The following ROBO1 variants were observed in gnomAD, a reference collection of about 807,000 sequenced individuals.
The protein encoded by ROBO1 is roundabout homolog 1.
In ROBO1, 149 loss-of-function variants were observed where a neutral mutation model predicts 195.9. The observed-to-expected ratio is 0.76, with a 90% CI of 0.67 to 0.87. ROBO1 has a LOEUF of 0.87. ROBO1 is among the 40% of genes least tolerant of loss of function. The pLI, the probability that ROBO1 is intolerant of heterozygous loss-of-function variation, is 0.00. For missense variants in ROBO1, 1,933 were observed against 2,068.3 expected (o/e 0.93, Z 1.27); for synonymous variants, 816 against 733.2 (o/e 1.11, Z -1.82).
chr3:79,126,945 C>T (rs1437063905), intron 2 of ROBO1, among the ~76,000 whole-genome samples: 1 of 151,778 alleles, frequency 6.6e-6, no homozygotes. Flanking sequence ...CCTAATCTCC[C>T]TGCTTTCCCT....
intron 4 of ROBO1, among the ~76,000 whole-genome samples, chr3:78,845,065 C>T (rs72896425): frequency 0.027 from 4,173 of 152,182 alleles, 141 homozygotes; most frequent in African/African-American, 0.085. Flanking sequence ...TCAAGTTCTA[C>T]CTTAAGACTT....
intron 1 of ROBO1, among the ~76,000 whole-genome samples, chr3:79,736,768 G>A (rs1015814097): frequency 3.9e-5 from 6 of 152,112 alleles, no homozygotes; most frequent in African/African-American, 1.4e-4. Context: ...TAACTGTCAG[G>A]GGATTTAAAG....
chr3:78,796,857 G>A (rs1380363039), intron 4 of ROBO1, among the ~76,000 whole-genome samples: 1 of 151,946 alleles, frequency 6.6e-6, no homozygotes, highest in African/African-American at 2.4e-5. Context: ...CACTACCTTG[G>A]TCAAAATCCA....
intron 1 of ROBO1, among the ~76,000 whole-genome samples, chr3:79,741,985 G>C (rs1282283081): frequency 6.6e-6 from 1 of 152,194 alleles, no homozygotes; most frequent in Non-Finnish European, 1.5e-5. Context: ...GCAGCAGAGT[G>C]TTCAATATGT....
At chr3:79,328,177 C>T (rs1427108461) in intron 2 of ROBO1, among the ~76,000 whole-genome samples, 1 of 152,038 alleles carries the variant, frequency 6.6e-6, no homozygotes, top group South Asian at 2.1e-4. Flanking sequence ...TCATTATAAA[C>T]TATTTCAATG....
At chr3:79,497,757 T>C (rs1180512541) in intron 2 of ROBO1, among the ~76,000 whole-genome samples, 1 of 152,230 alleles carries the variant, frequency 6.6e-6, no homozygotes, top group Non-Finnish European at 1.5e-5. Flanking sequence ...TTCAGTTTAC[T>C]ATTACAATTT....
intron 4 of ROBO1, among the ~76,000 whole-genome samples, chr3:78,905,558 G>T (rs2037853547): frequency 6.6e-6 from 1 of 152,090 alleles, no homozygotes; most frequent in East Asian, 1.9e-4. Context: ...GATGGAGGCT[G>T]CAGTGAGCTG....
intron 2 of ROBO1, among the ~76,000 whole-genome samples, chr3:79,469,717 A>C (rs759249004): frequency 1.3e-5 from 2 of 152,226 alleles, no homozygotes; most frequent in Non-Finnish European, 2.9e-5. Context: ...TAAGATAGTT[A>C]ACACCTAATA....
At chr3:78,643,499 T>C (rs1282448127) in intron 21 of ROBO1, among the ~76,000 whole-genome samples, 4 of 152,100 alleles carry the variant, frequency 2.6e-5, no homozygotes, top group African/African-American at 7.2e-5. Context: ...TCCAGACCTA[T>C]GTAATACATG....
At chr3:79,128,663 T>C (rs978875422) in intron 2 of ROBO1, among the ~76,000 whole-genome samples, 1 of 152,130 alleles carries the variant, frequency 6.6e-6, no homozygotes, top group Non-Finnish European at 1.5e-5. Flanking sequence ...CATAACATCA[T>C]AGTCATTCAG....
rs148615518 is a variant in ROBO1 at position 79,660,837 on chromosome 3, C to G, written c.-50-70876G>C. Among the ~76,000 whole-genome samples the G allele has an allele frequency of 2.0e-5, 3 of 152,180 alleles. No homozygotes were observed. In the South Asian group the frequency reaches 6.2e-4, roughly 32 times the overall value. The stretch of plus-strand genomic sequence containing the variant: ...AAGCAGACTCCTCAGAAGTCAGAGT[C>G]TGTGTTATGCCACGTAGTTACCAAG... On this transcript the variant is annotated intron_variant, in intron 1 of 30. Transcript: ENST00000464233.
chr3:79,350,388 T>C (rs2035295378), intron 2 of ROBO1, among the ~76,000 whole-genome samples: 1 of 152,180 alleles, frequency 6.6e-6, no homozygotes, highest in South Asian at 2.1e-4. Flanking sequence ...CCACTGTCCG[T>C]TCCTCAAGAA....
At chr3:79,137,804 C>T (rs113668294) in intron 2 of ROBO1, among the ~76,000 whole-genome samples, 8 of 152,160 alleles carry the variant, frequency 5.3e-5, no homozygotes, top group African/African-American at 1.9e-4. Flanking sequence ...TTTTATTCAT[C>T]AATCTAACTC....
intron 3 of ROBO1, among the ~76,000 whole-genome samples, chr3:79,070,816 G>GT (rs1576638555): frequency 6.6e-6 from 1 of 151,658 alleles, no homozygotes; most frequent in East Asian, 2.0e-4. Context: ...ATACTCATGT[G>GT]TTTTTTACTG....
At chr3:79,508,787 G>A (rs1393787526) in intron 2 of ROBO1, among the ~76,000 whole-genome samples, 2 of 152,064 alleles carry the variant, frequency 1.3e-5, no homozygotes, top group Non-Finnish European at 2.9e-5. Context: ...ATTTAGCATG[G>A]GTTTTGTTGG....
chr3:79,330,941 T>A (rs2034416091), intron 2 of ROBO1, among the ~76,000 whole-genome samples: 1 of 152,152 alleles, frequency 6.6e-6, no homozygotes, highest in African/African-American at 2.4e-5. Context: ...TTCATCAATT[T>A]TATGTCCCTG....
chr3:79,268,444 C>G (rs984681021), intron 2 of ROBO1, among the ~76,000 whole-genome samples: 5 of 151,572 alleles, frequency 3.3e-5, no homozygotes, highest in African/African-American at 1.2e-4. Flanking sequence ...TTTCACCTTC[C>G]TGTCCCACAT....
chr3:79,392,231 G>A (rs2036980698), intron 2 of ROBO1, among the ~76,000 whole-genome samples: 1 of 152,194 alleles, frequency 6.6e-6, no homozygotes, highest in African/African-American at 2.4e-5. Flanking sequence ...ACCTCAATGT[G>A]TCCCTCATTG....
chr3:78,599,197 G>C (rs559397548), intron 30 of ROBO1, among the ~76,000 whole-genome samples: 2 of 152,058 alleles, frequency 1.3e-5, no homozygotes, highest in Admixed American at 1.3e-4. Context: ...GGAATGTGTT[G>C]AGTTATCTAA....
Sources: allele counts gnomAD v4.1 joint callset (sites outside exome capture counted in the v4.1 genomes callset), GRCh38; gene constraint gnomAD v4.1.1; transcripts MANE v1.5; gene names NCBI Gene and HGNC (gene_info 2026-07-23, HGNC 2026-07-21).